Variants in GALK2 observed in about 807,000 individuals in gnomAD.
GALK2 encodes galactokinase 2, also known as N-acetylgalactosamine kinase.
GALK2 carries 36 observed loss-of-function variants against 52.4 expected under a neutral mutation model. That is an observed-to-expected ratio of 0.69 (90% CI 0.53 to 0.91). The LOEUF is 0.91. Among genes scored for constraint, GALK2 ranks in the 40% least tolerant of loss-of-function variants. GALK2 has a pLI of 0.00. For missense variants in GALK2, 579 were observed against 559.1 expected, an observed-to-expected ratio of 1.04 and a Z score of -0.36; for synonymous variants, 176 against 199.1, an observed-to-expected ratio of 0.88 and a Z score of 0.98.
At chr15:49,178,194 A>AATATATATAT (rs1566907035) in intron 1 of GALK2, among the ~76,000 whole-genome samples, 2 of 39,604 alleles carry the variant, frequency 5.0e-5, no homozygotes, top group South Asian at 1.3e-3. Flanking sequence ...AAAAAGAAAT[A>AATATATATAT]CTATATATAT....
chr15:49,246,307 C>T (rs963305114), intron 5 of GALK2, among the ~76,000 whole-genome samples: 3 of 152,166 alleles, frequency 2.0e-5, no homozygotes, highest in Non-Finnish European at 4.4e-5. Context: ...GGTTGCAACT[C>T]TAAAAGCTAG....
rs1180914250 is a variant in GALK2, at chr15:49,319,586, A to AT, written c.968-17dup. On this transcript the variant is annotated splice_polypyrimidine_tract_variant and intron_variant, in intron 8 of 9. Transcript: ENST00000560031. ...GTAACTATTCCTAACCTCCTTCCCC[A>AT]TCCTCTTCCTTCCTCAGTGCTCATC... 1.9e-6 allele frequency: 3 copies of AT among 1,612,656 alleles called. No individual in the cohort carries two copies. The highest frequency in any genetic ancestry group is 2.2e-5 in the South Asian group (2 of 91,014).
At chr15:49,284,389 G>T (rs1043190600) in intron 7 of GALK2, among the ~76,000 whole-genome samples, 1 of 152,140 alleles carries the variant, frequency 6.6e-6, no homozygotes, top group Non-Finnish European at 1.5e-5. Flanking sequence ...AACAGGAAAT[G>T]GTTAATATGT....
chr15:49,174,757 A>G (rs1452252705), intron 1 of GALK2, among the ~76,000 whole-genome samples: 1 of 152,116 alleles, frequency 6.6e-6, no homozygotes, highest in East Asian at 1.9e-4. Context: ...TTCTAGTTTA[A>G]CTTTATGACA....
At chr15:49,247,744 A>G (rs1237355579) in intron 5 of GALK2, among the ~76,000 whole-genome samples, 1 of 152,212 alleles carries the variant, frequency 6.6e-6, no homozygotes, top group Non-Finnish European at 1.5e-5. Flanking sequence ...CCATAAGTGT[A>G]TTTTAACAGT....
intron 3 of GALK2, chr15:49,367,335 A>C: frequency 2.1e-6 from 2 of 964,948 alleles, no homozygotes; most frequent in South Asian, 4.4e-5. Context: ...TACTAAACAG[A>C]AGCATTGATA....
chr15:49,175,179 C>T (rs910564201), intron 1 of GALK2, among the ~76,000 whole-genome samples: 1 of 152,152 alleles, frequency 6.6e-6, no homozygotes, highest in African/African-American at 2.4e-5. Context: ...GAATTTGGCT[C>T]ACATAACAAG....
At chr15:49,168,206 A>C (rs569087306), upstream of GALK2, among the ~76,000 whole-genome samples, 75 of 152,280 alleles carry the variant, frequency 4.9e-4, 1 homozygote, top group Middle Eastern at 0.017. Context: ...CCAAGGTCCA[A>C]ACTAATGATT....
Position 49,261,073 on chromosome 15 carries a change from C to T in GALK2, c.505-20914C>T, listed in dbSNP as rs1205722097. ...AGGCTCTTTTTTGGTTCCATATGAA[C>T]TTTAAAGTAGTTTTTTCCAATTCTG... On this transcript the variant is annotated intron_variant, in intron 5 of 9. Transcript: ENST00000560031. Among the ~76,000 whole-genome samples the T allele has an allele frequency of 8.6e-5, 13 of 151,532 alleles. No homozygotes were observed. In the East Asian group the frequency reaches 2.5e-3, roughly 29 times the overall value.
chr15:49,354,122 G>C (rs1596433671), intron 3 of GALK2: 1 of 152,030 alleles, frequency 6.6e-6, no homozygotes, highest in Non-Finnish European at 1.5e-5. Flanking sequence ...TCTTTATATA[G>C]CTTTTATTTT....
chr15:49,324,082 CT>C (rs2151094665), intron 9 of GALK2, among the ~76,000 whole-genome samples: 1 of 152,252 alleles, frequency 6.6e-6, no homozygotes, highest in South Asian at 2.1e-4. Context: ...TATTGGTTCC[CT>C]CGTTTTACTT....
At position 49,283,595 on chromosome 15, in the gene GALK2, G is replaced by C. The variant is rs2032999843; in HGVS notation, c.633G>C (p.Arg211Ser). Residue 211 changes from arginine (R) to serine (S), a missense_variant, in exon 7 of 10, where the codon AGG becomes AGC. Physicochemically the swap from Arg to Ser is moderately radical, Grantham distance 110. Transcript: ENST00000560031. ...AGTTGATAGAATTTAGTCCTCTGAG[G>C]GCAACCGATGTAAAACTCCCAAGTG... The part of the protein sequence containing the change: ...TAKLIEFSPL[R>S]ATDVKLPSGA... 6.2e-7 allele frequency: 1 copy of C among 1,613,514 alleles called. No homozygotes were observed. Among genetic ancestry groups the C allele is most frequent in the Non-Finnish European group, 8.5e-7 (1 of 1,179,730 alleles).
intron 8 of GALK2, among the ~76,000 whole-genome samples, chr15:49,313,969 AGAGATGAAATAGACATGTCC>A: frequency 6.6e-6 from 1 of 152,246 alleles, no homozygotes; most frequent in Non-Finnish European, 1.5e-5. Flanking sequence ...GGACTCTTTC[AGAGATGAAATAGACATGTCC>A]TCTATCTACT....
intron 5 of GALK2, among the ~76,000 whole-genome samples, chr15:49,258,051 G>T (rs1013966303): frequency 6.6e-5 from 10 of 151,614 alleles, no homozygotes; most frequent in Non-Finnish European, 1.3e-4. Context: ...CTTAAGTATT[G>T]TGAGGAAAAT....
At chr15:49,227,198 G>A (rs1223051936) in intron 3 of GALK2, among the ~76,000 whole-genome samples, 2 of 152,106 alleles carry the variant, frequency 1.3e-5, no homozygotes, top group Non-Finnish European at 2.9e-5. Context: ...CTGTTGTGAT[G>A]ATCTCTGTAA....
At chr15:49,362,465 G>A (rs1395969689) in intron 3 of GALK2, among the ~76,000 whole-genome samples, 2 of 152,092 alleles carry the variant, frequency 1.3e-5, no homozygotes, top group Non-Finnish European at 2.9e-5. Context: ...CCAGGTTCAG[G>A]TAGTTCTTTA....
chr15:49,200,064 T>A (rs2087604307), intron 1 of GALK2, among the ~76,000 whole-genome samples: 1 of 152,206 alleles, frequency 6.6e-6, no homozygotes, highest in Non-Finnish European at 1.5e-5. Flanking sequence ...TAATAAATGT[T>A]TATCATCCTG....
At chr15:49,230,075 G>A (rs776932185) in intron 3 of GALK2, among the ~76,000 whole-genome samples, 7 of 152,166 alleles carry the variant, frequency 4.6e-5, no homozygotes, top group Admixed American at 2.0e-4. Flanking sequence ...GTTAGCACTC[G>A]TGGTGTCTGT....
At chr15:49,261,957 G>T (rs2141630796) in intron 5 of GALK2, among the ~76,000 whole-genome samples, 1 of 152,226 alleles carries the variant, frequency 6.6e-6, no homozygotes, top group African/African-American at 2.4e-5. Context: ...ATGTGCTGCT[G>T]GATTCAGTTT....
Sources: gnomAD v4.1 joint callset for allele counts (sites outside exome capture counted in the v4.1 genomes callset) on GRCh38, gnomAD v4.1.1 for gene constraint, MANE v1.5 for transcripts, NCBI Gene and HGNC (gene_info 2026-07-23, HGNC 2026-07-21) for gene names.